SLIT3: variants seen among roughly 807,000 people sequenced by gnomAD.
SLIT3 encodes slit homolog 3 protein.
In SLIT3, 68 loss-of-function variants were observed where a neutral mutation model predicts 184.0. The observed-to-expected ratio is 0.37, with a 90% CI of 0.30 to 0.45. SLIT3 has a LOEUF of 0.45. SLIT3 is among the 20% of genes least tolerant of loss of function. The pLI, the probability that SLIT3 is intolerant of heterozygous loss-of-function variation, is 1.00. For missense variants in SLIT3, 1,707 were observed against 2,026.0 expected, an observed-to-expected ratio of 0.84 and a Z score of 3.02; for synonymous variants, 831 against 828.6, an observed-to-expected ratio of 1.00 and a Z score of -0.05.
intron 5 of SLIT3, among the ~76,000 whole-genome samples, chr5:168,882,059 G>A (rs993348662): frequency 6.6e-6 from 1 of 152,098 alleles, no homozygotes; most frequent in Non-Finnish European, 1.5e-5. Context: ...AAAGCTTTCC[G>A]CTAAGTCCAC....
chr5:169,063,024 T>C, intron 4 of SLIT3, among the ~76,000 whole-genome samples: 1 of 152,260 alleles, frequency 6.6e-6, no homozygotes, highest in East Asian at 1.9e-4. Context: ...TTGAACTGTT[T>C]TCGAAATGTA....
At chr5:168,751,648 G>C (rs536505488) in intron 18 of SLIT3, among the ~76,000 whole-genome samples, 2 of 152,080 alleles carry the variant, frequency 1.3e-5, no homozygotes, top group Non-Finnish European at 2.9e-5. Context: ...GCACTACCCG[G>C]GCAGGAGCAC....
chr5:168,676,359 T>C (rs865802847), intron 32 of SLIT3, among the ~76,000 whole-genome samples: 5 of 152,276 alleles, frequency 3.3e-5, no homozygotes, highest in Middle Eastern at 3.4e-3. Flanking sequence ...AACTTATCAA[T>C]GTAAGGTCTA....
Position 168,993,683 on chromosome 5 carries a change from A to AC in SLIT3, c.414-110348_414-110347insG, listed in dbSNP as rs575946005. Among the ~76,000 whole-genome samples, 1,455 of 152,130 alleles carry AC rather than the reference A, an allele frequency of 9.6e-3. 16 individuals are homozygous for AC. Among genetic ancestry groups the AC allele is most frequent in the Non-Finnish European group, 0.013 (894 of 67,972 alleles). ...TTTCTAAGTACACAGGAAAAAAAAA[A>AC]AAACTCCTGACTAAATGATGATAGG... On this transcript the variant is annotated intron_variant, in intron 4 of 35. Transcript: ENST00000519560.
chr5:169,272,158 A>G (rs1039265215), intron 1 of SLIT3, among the ~76,000 whole-genome samples: 7 of 152,206 alleles, frequency 4.6e-5, no homozygotes, highest in African/African-American at 1.7e-4. Flanking sequence ...TTGTAAAAGG[A>G]CAGGAGAGAA....
intron 4 of SLIT3, among the ~76,000 whole-genome samples, chr5:168,958,848 C>T (rs1240895379): frequency 6.6e-6 from 1 of 152,232 alleles, no homozygotes; most frequent in Non-Finnish European, 1.5e-5. Flanking sequence ...ATAATCTAAC[C>T]TAACCCCTTG....
chr5:169,134,150 G>A (rs906235903), intron 4 of SLIT3, among the ~76,000 whole-genome samples: 13 of 152,314 alleles, frequency 8.5e-5, no homozygotes, highest in Middle Eastern at 3.4e-3. Context: ...ACGCTTATCT[G>A]CTCAAATCTT....
At chr5:168,733,329 T>A (rs183331857) in intron 20 of SLIT3, among the ~76,000 whole-genome samples, 24 of 152,292 alleles carry the variant, frequency 1.6e-4, no homozygotes, top group African/African-American at 5.5e-4. Context: ...AATGCTCATA[T>A]GCTACTGGTG....
At chr5:168,811,866 T>C (rs1243611913) in intron 8 of SLIT3, among the ~76,000 whole-genome samples, 2 of 152,214 alleles carry the variant, frequency 1.3e-5, no homozygotes, top group African/African-American at 4.8e-5. Context: ...ACTGGGTACA[T>C]ATCCAAGGGA....
chr5:168,839,540 T>G (rs1378092483), intron 6 of SLIT3, among the ~76,000 whole-genome samples: 2 of 152,224 alleles, frequency 1.3e-5, no homozygotes, highest in Non-Finnish European at 2.9e-5. Flanking sequence ...TCTCAATTTT[T>G]AAATGTGAAA....
At chr5:168,701,678 T>G (rs1762217613) in intron 26 of SLIT3, among the ~76,000 whole-genome samples, 1 of 152,218 alleles carries the variant, frequency 6.6e-6, no homozygotes, top group African/African-American at 2.4e-5. Context: ...CAGACCAGTC[T>G]CACCCAATGC....
chr5:169,042,734 A>AACCC (rs1453488944), intron 4 of SLIT3, among the ~76,000 whole-genome samples: 1 of 152,210 alleles, frequency 6.6e-6, no homozygotes, highest in Admixed American at 6.5e-5. Context: ...CAACATTGCC[A>AACCC]ACCCGAGAAT....
At chr5:169,210,108 C>T (rs1764211353) in intron 3 of SLIT3, among the ~76,000 whole-genome samples, 1 of 152,064 alleles carries the variant, frequency 6.6e-6, no homozygotes, top group Non-Finnish European at 1.5e-5. Flanking sequence ...TGCCACAAAA[C>T]ACAGAAGCTG....
At chr5:168,669,561 C>T (rs910646229) in intron 35 of SLIT3, among the ~76,000 whole-genome samples, 1 of 152,176 alleles carries the variant, frequency 6.6e-6, no homozygotes, top group Admixed American at 6.5e-5. Context: ...TTTTGAACTG[C>T]TATGGTTTGG....
chr5:168,823,100 C>G (rs887242509), intron 7 of SLIT3, among the ~76,000 whole-genome samples, 160 bp downstream of exon 7: 2 of 152,182 alleles, frequency 1.3e-5, no homozygotes, highest in African/African-American at 2.4e-5. Context: ...TCTACCCTCA[C>G]TCGCCAAGGC....
rs1375835839 is a variant in SLIT3, at chr5:168,952,589, AC to A, written c.414-69254del. On this transcript the variant is annotated intron_variant, in intron 4 of 35. Transcript: ENST00000519560. ...AGGGATTTAAAAAAAAAAAAAAAAG[AC>A]AGAGAGGGAGAGAACAAAAGGCAAA... Among the ~76,000 whole-genome samples the A allele has an allele frequency of 9.7e-3, 1,418 of 146,100 alleles. 30 individuals are homozygous for A. The highest frequency in any genetic ancestry group is 0.035 in the African/African-American group (1,310 of 37,820).
chr5:168,942,115 A>C (rs1413231559), intron 4 of SLIT3, among the ~76,000 whole-genome samples: 1 of 152,176 alleles, frequency 6.6e-6, no homozygotes, highest in African/African-American at 2.4e-5. Flanking sequence ...CCCCAGAAGC[A>C]GTGACTTGTT....
At chr5:169,125,009 T>A (rs1761023570) in intron 4 of SLIT3, among the ~76,000 whole-genome samples, 1 of 152,140 alleles carries the variant, frequency 6.6e-6, no homozygotes, top group South Asian at 2.1e-4. Context: ...TTATTTTTTG[T>A]TTTTCTGTTT....
At chr5:168,909,051 A>G (rs1352209816) in intron 4 of SLIT3, among the ~76,000 whole-genome samples, 1 of 152,232 alleles carries the variant, frequency 6.6e-6, no homozygotes, top group African/African-American at 2.4e-5. Flanking sequence ...TCCAAATAGA[A>G]CAACTCAAAG....
Sources: allele counts gnomAD v4.1 joint callset (sites outside exome capture counted in the v4.1 genomes callset), GRCh38; gene constraint gnomAD v4.1.1; transcripts MANE v1.5; gene names NCBI Gene and HGNC (gene_info 2026-07-23, HGNC 2026-07-21).